Variants in SPATA13 observed in about 807,000 individuals in gnomAD.
SPATA13 encodes the protein spermatogenesis-associated protein 13.
A neutral mutation model predicts 104.0 loss-of-function variants in SPATA13; 50 were observed. That is an observed-to-expected ratio of 0.48 (90% CI 0.38 to 0.61). The LOEUF (loss-of-function observed/expected upper bound fraction) is 0.61, where lower values mean the gene tolerates loss of function less well. Among genes scored for constraint, SPATA13 ranks in the 20% least tolerant of loss-of-function variants. The probability of loss-of-function intolerance (pLI) is 0.00; values close to 1 mark genes in which losing one functional copy is unlikely to be tolerated. For missense variants in SPATA13, 1,524 were observed against 1,690.6 expected (o/e 0.90, Z 1.73); for synonymous variants, 606 against 667.5 (o/e 0.91, Z 1.42).
chr13:24,073,379 T>C (rs1038813731), intron 3 of SPATA13, among the ~76,000 whole-genome samples: 1 of 152,260 alleles, frequency 6.6e-6, no homozygotes, highest in Non-Finnish European at 1.5e-5. Flanking sequence ...CATGTAATTT[T>C]GTTACTTGTT....
intron 3 of SPATA13, among the ~76,000 whole-genome samples, chr13:24,069,144 T>A (rs542929106): frequency 1.3e-5 from 2 of 152,304 alleles, no homozygotes; most frequent in South Asian, 4.1e-4. Flanking sequence ...AATATTTTTT[T>A]CTAGTTCCAT....
At chr13:24,274,182 A>G (rs1874814051) in intron 4 of SPATA13, among the ~76,000 whole-genome samples, 1 of 152,190 alleles carries the variant, frequency 6.6e-6, no homozygotes, top group Non-Finnish European at 1.5e-5. Flanking sequence ...ATTGCCTGCA[A>G]CTTGTGGCTT....
chr13:24,037,560 C>G (rs1337309153), intron 3 of SPATA13, among the ~76,000 whole-genome samples: 2 of 150,096 alleles, frequency 1.3e-5, no homozygotes, highest in Non-Finnish European at 3.0e-5. Flanking sequence ...GGTGTGCACA[C>G]CACCACACCT....
chr13:24,074,376 TA>T (rs1879257533), intron 3 of SPATA13, among the ~76,000 whole-genome samples: 1 of 152,230 alleles, frequency 6.6e-6, no homozygotes, highest in African/African-American at 2.4e-5. Flanking sequence ...GTTGTATGAA[TA>T]GACCACATTT....
rs994775104 is a variant in SPATA13, at chr13:24,239,676, C to T, written c.1654-9801C>T. On this transcript the variant is annotated intron_variant, in intron 2 of 12. Transcript: ENST00000382108. ...CGTCACTGCACTCCAGCCTGGGTGT[C>T]GGATAGAGACCATATCTAAAAAAAA... Among the ~76,000 whole-genome samples, 11 of 99,070 alleles carry T rather than the reference C, an allele frequency of 1.1e-4. 3 individuals carry two copies. The Admixed American group carries it at 1.3e-3, about 12-fold the overall frequency. The allele number at this position is 99,070 out of a possible 152,430, so 65.0% of individuals were successfully genotyped here. A position where few individuals can be genotyped will look rare whatever the true frequency, so the allele number is the denominator to read the frequency against.
chr13:24,223,543 G>A lies in SPATA13; in HGVS notation c.614G>A (p.Arg205Lys), dbSNP rs1356645525. The change falls in exon 2 of 13, where the codon AGA becomes AAA. Residue 205 changes from arginine (R) to lysine (K), a missense_variant. Arg to Lys is a conservative substitution (Grantham distance 26). Around this residue, in one of 2 missense-constraint regions of SPATA13, gnomAD observed 1,089 missense variants for 1,135.9 expected, o/e 0.96. Coordinates refer to ENST00000382108, the MANE Select transcript of SPATA13 (RefSeq NM_001166271.3). ...RSTHRSRSLR[R>K]AYGLGRICLL... is the part of the protein sequence containing the mutation. ...ACACACCGCTCCCGCAGCCTCCGCAGAGCCTACGGCCTGGGCCGCATCTGC... is the reference window on the plus strand; with the variant it reads ...ACACACCGCTCCCGCAGCCTCCGCAAAGCCTACGGCCTGGGCCGCATCTGC... 4 of 1,549,348 alleles carry A rather than the reference G, an allele frequency of 2.6e-6. 1 individual carries two copies. The South Asian group carries it at 4.8e-5, about 18-fold the overall frequency.
rs570967283 is a variant in SPATA13, at chr13:24,140,064, G to A, written c.-111-82755G>A. The stretch of plus-strand genomic sequence containing the variant: ...AGCCTGGGTGACAGAGTGAGACTCC[G>A]TCTCAAAAAAAAAAAAAAAAAAGTC... On this transcript the variant is annotated intron_variant, in intron 3 of 14. Transcript: ENST00000424834. 2.2e-5 allele frequency among the ~76,000 whole-genome samples: 3 copies of A among 136,050 alleles called. No homozygotes were observed. The Admixed American group carries it at 2.2e-4, about 10-fold the overall frequency. The allele number at this position is 136,050 out of a possible 152,430, so 89.3% of individuals were successfully genotyped here.
At chr13:24,020,640 A>G (rs1247297136) in intron 3 of SPATA13, among the ~76,000 whole-genome samples, 3 of 152,352 alleles carry the variant, frequency 2.0e-5, no homozygotes, top group South Asian at 4.1e-4. Flanking sequence ...TTTCATTTCT[A>G]TTAAAGCAGA....
intron 2 of SPATA13, among the ~76,000 whole-genome samples, chr13:24,224,979 G>C (rs765182532): frequency 6.6e-6 from 1 of 152,202 alleles, no homozygotes; most frequent in Non-Finnish European, 1.5e-5. Flanking sequence ...TTCCCACAAA[G>C]TACATATAAG....
intron 3 of SPATA13, among the ~76,000 whole-genome samples, chr13:24,060,714 A>C (rs1254880847): frequency 6.6e-6 from 1 of 152,202 alleles, no homozygotes; most frequent in Non-Finnish European, 1.5e-5. Context: ...CAAATCCAGC[A>C]TCTGTAAGGA....
intron 3 of SPATA13, among the ~76,000 whole-genome samples, chr13:24,113,759 A>G (rs900559807): frequency 6.8e-6 from 1 of 147,238 alleles, no homozygotes; most frequent in African/African-American, 2.5e-5. Flanking sequence ...AATCCCACCT[A>G]CTCGGGAGGC....
intron 3 of SPATA13, among the ~76,000 whole-genome samples, chr13:24,096,445 A>G (rs1047351731): frequency 2.6e-5 from 4 of 151,986 alleles, no homozygotes; most frequent in African/African-American, 9.7e-5. Context: ...AAAATACAAA[A>G]AAAAATAGCT....
intron 3 of SPATA13, among the ~76,000 whole-genome samples, chr13:24,142,461 C>A (rs747663541): frequency 6.6e-6 from 1 of 152,126 alleles, no homozygotes; most frequent in Non-Finnish European, 1.5e-5. Context: ...ATTTCTCCCC[C>A]CTCAGTTTTG....
chr13:24,001,027 T>C (rs1875941770), intron 2 of SPATA13, among the ~76,000 whole-genome samples: 1 of 152,156 alleles, frequency 6.6e-6, no homozygotes. Flanking sequence ...CTGTGCTCTG[T>C]GTTTCCCCCT....
rs545007521 is a variant in SPATA13, at chr13:24,242,293, A to G, written c.1654-7184A>G. 7.9e-5 allele frequency among the ~76,000 whole-genome samples: 12 copies of G among 152,248 alleles called. No individual in the cohort carries two copies. In the East Asian group the frequency reaches 2.3e-3, roughly 29 times the overall value. The stretch of plus-strand genomic sequence containing the variant: ...AGTCCAAGCCGGATGCATGCGCATG[A>G]CTATGTCTACACACACATGGATGAA... On this transcript the variant is annotated intron_variant, in intron 2 of 12. Coordinates refer to ENST00000382108, the MANE Select transcript of SPATA13 (RefSeq NM_001166271.3).
chr13:24,091,639 C>A (rs1027691403), intron 3 of SPATA13, among the ~76,000 whole-genome samples: 4 of 152,106 alleles, frequency 2.6e-5, no homozygotes, highest in Non-Finnish European at 5.9e-5. Context: ...GGTGAAACCT[C>A]GTTTCTACTA....
intron 1 of SPATA13, among the ~76,000 whole-genome samples, chr13:24,173,140 C>T (rs866614191): frequency 6.6e-5 from 10 of 152,164 alleles, no homozygotes; most frequent in Admixed American, 2.0e-4. Flanking sequence ...TGCAGTGGTG[C>T]GATCTTGGCT....
chr13:24,044,590 C>T (rs2137733286), intron 3 of SPATA13, among the ~76,000 whole-genome samples: 1 of 152,230 alleles, frequency 6.6e-6, no homozygotes, highest in South Asian at 2.1e-4. Flanking sequence ...TGTGATGTTT[C>T]AATACATGTT....
At chr13:23,991,565 G>A (rs936065766) in intron 2 of SPATA13, among the ~76,000 whole-genome samples, 4 of 152,090 alleles carry the variant, frequency 2.6e-5, no homozygotes, top group African/African-American at 7.2e-5. Flanking sequence ...GCCCCGGCCC[G>A]CAGTGTCCAG....
Sources: gnomAD v4.1 joint callset for allele counts (sites outside exome capture counted in the v4.1 genomes callset) on GRCh38, gnomAD v4.1.1 for gene constraint, gnomAD v4.1.1 regional missense constraint, MANE v1.5 for transcripts, NCBI Gene and HGNC (gene_info 2026-07-23, HGNC 2026-07-21) for gene names.